Variants in TMEM132B observed in about 807,000 individuals in gnomAD.
The protein encoded by TMEM132B is transmembrane protein 132B.
Under a neutral mutation model 90.8 loss-of-function variants are expected in TMEM132B, and 18 were observed. The observed-to-expected ratio is 0.20, with a 90% CI of 0.14 to 0.29. The LOEUF (loss-of-function observed/expected upper bound fraction) is 0.29, where lower values mean the gene tolerates loss of function less well. Among genes scored for constraint, TMEM132B ranks in the 10% least tolerant of loss-of-function variants. The pLI is 1.00. For synonymous variants in TMEM132B, 504 were observed against 523.3 expected, an observed-to-expected ratio of 0.96 and a Z score of 0.50; for missense variants, 1,096 against 1,326.8, an observed-to-expected ratio of 0.83 and a Z score of 2.70.
rs775236157 is a variant in TMEM132B at position 125,653,741 on chromosome 12, G to A, written c.2283G>A (p.Gly761=). 3 of 1,614,160 alleles carry A rather than the reference G, an allele frequency of 1.9e-6. No individual in the cohort carries two copies. Among genetic ancestry groups the A allele is most frequent in the East Asian group, 2.2e-5 (1 of 44,878 alleles). ...TGGTTGCAGAGGGTGAAGGACAAGGGCCTTTGATTAAGTTAGAAATGATGA... is the reference window on the plus strand; with the variant it reads ...TGGTTGCAGAGGGTGAAGGACAAGGACCTTTGATTAAGTTAGAAATGATGA... ...PIVVAEGEGQ[G]PLIKLEMMIS... Residue 761 remains glycine (G), a synonymous_variant, in exon 9 of 9, where the codon GGG becomes GGA. Coordinates refer to ENST00000682704, the MANE Select transcript of TMEM132B (RefSeq NM_001366854.1).
chr12:125,200,810 G>T (rs1348308358), intron 1 of TMEM132B, among the ~76,000 whole-genome samples: 2 of 152,220 alleles, frequency 1.3e-5, no homozygotes, highest in African/African-American at 4.8e-5. Flanking sequence ...CCCAAGAGTA[G>T]CTTCTTGAGG....
chr12:125,393,486 G>A (rs1879086424), intron 2 of TMEM132B, among the ~76,000 whole-genome samples: 1 of 152,074 alleles, frequency 6.6e-6, no homozygotes. Context: ...GCTTCCTGGA[G>A]GAGGCATCAA....
Position 125,542,021 on chromosome 12 carries a change from G to A in TMEM132B, c.1293+22396G>A, listed in dbSNP as rs528550833. Among the ~76,000 whole-genome samples, 77 of 67,486 alleles carry A rather than the reference G, an allele frequency of 1.1e-3. 1 individual carries two copies. The East Asian group carries it at 0.032, about 28-fold the overall frequency. The allele number at this position is 67,486 out of a possible 152,430, so 44.3% of individuals were successfully genotyped here. On this transcript the variant is annotated intron_variant, in intron 4 of 8. Coordinates refer to ENST00000682704, the MANE Select transcript of TMEM132B (RefSeq NM_001366854.1). Reference sequence around the variant, plus strand: ...GCCTGGGCGACAGAGCAAAACCCCCGTCTCAAAAAAAAAAAAAAAAAAAAA... The same window carrying A: ...GCCTGGGCGACAGAGCAAAACCCCCATCTCAAAAAAAAAAAAAAAAAAAAA...
At chr12:125,242,655 C>T (rs948669281) in intron 1 of TMEM132B, among the ~76,000 whole-genome samples, 1 of 152,154 alleles carries the variant, frequency 6.6e-6, no homozygotes, top group African/African-American at 2.4e-5. Flanking sequence ...GGTGTTTGTC[C>T]CTCTAGGGTG....
rs1400107521 is a variant in TMEM132B, at chr12:125,373,447, C to T, written c.959+23104C>T. Among the ~76,000 whole-genome samples, 3 of 152,178 alleles carry T rather than the reference C, an allele frequency of 2.0e-5. No individual in the cohort carries two copies. In the East Asian group the frequency reaches 5.8e-4, roughly 29 times the overall value. On this transcript the variant is annotated intron_variant, in intron 2 of 8. Transcript: ENST00000682704. The stretch of plus-strand genomic sequence containing the variant: ...GAAAAGGGAGATCCATGTGAAGACA[C>T]AGGAAGATGATCATCTGCAAGCCAA...
Position 125,411,765 on chromosome 12 carries a change from C to T in TMEM132B, c.960-3766C>T, listed in dbSNP as rs1247291175. ...CGATCATCCCACCCAGACGGCAACC[C>T]GGAGGGGCCACCTTGGTCTTTCCTC... On this transcript the variant is annotated intron_variant, in intron 2 of 8. Transcript: ENST00000682704. Among the ~76,000 whole-genome samples the T allele has an allele frequency of 3.3e-5, 5 of 152,090 alleles. No homozygotes were observed. The East Asian group carries it at 7.7e-4, about 23-fold the overall frequency.
intron 3 of TMEM132B, among the ~76,000 whole-genome samples, chr12:125,504,379 C>A (rs1325000360): frequency 6.6e-6 from 1 of 152,106 alleles, no homozygotes; most frequent in Non-Finnish European, 1.5e-5. Context: ...TCCTCTCTTT[C>A]ATTTTTTTCC....
intron 1 of TMEM132B, among the ~76,000 whole-genome samples, chr12:125,341,098 C>T (rs12319093): frequency 0.021 from 3,152 of 152,292 alleles, 110 homozygotes; most frequent in African/African-American, 0.072. Flanking sequence ...TCACTGATTA[C>T]GCTCTTACAA....
At chr12:125,193,330 A>C (rs965970714) in intron 1 of TMEM132B, among the ~76,000 whole-genome samples, 3 of 152,138 alleles carry the variant, frequency 2.0e-5, no homozygotes, top group African/African-American at 7.2e-5. Flanking sequence ...AGAGCTCATG[A>C]CTTCTGCCCT....
At chr12:125,341,486 C>T (rs1022583074) in intron 1 of TMEM132B, among the ~76,000 whole-genome samples, 4 of 151,938 alleles carry the variant, frequency 2.6e-5, no homozygotes, top group African/African-American at 9.7e-5. Flanking sequence ...TTCCCTTTGC[C>T]CTTATTTTTA....
At chr12:125,388,680 C>A (rs914762865) in intron 2 of TMEM132B, among the ~76,000 whole-genome samples, 2 of 152,170 alleles carry the variant, frequency 1.3e-5, no homozygotes, top group African/African-American at 2.4e-5. Context: ...CACAGGCTGC[C>A]TCAACATCTT....
chr12:125,281,847 T>G (rs1875188218), intron 1 of TMEM132B, among the ~76,000 whole-genome samples: 8 of 151,392 alleles, frequency 5.3e-5, no homozygotes, highest in Admixed American at 5.3e-4. Flanking sequence ...GCTAACACGG[T>G]GAAACCCCGT....
chr12:125,248,419 G>A (rs1874250441), intron 1 of TMEM132B, among the ~76,000 whole-genome samples: 2 of 152,230 alleles, frequency 1.3e-5, no homozygotes, highest in Non-Finnish European at 2.9e-5. Flanking sequence ...TTGAGTTATT[G>A]TAATATTTTA....
intron 1 of TMEM132B, among the ~76,000 whole-genome samples, chr12:125,332,902 G>C (rs1342655260): frequency 6.6e-6 from 1 of 152,138 alleles, no homozygotes; most frequent in Non-Finnish European, 1.5e-5. Flanking sequence ...TTCTCTGAGC[G>C]ATTTCGGATT....
chr12:125,296,284 G>A (rs943516828), intron 1 of TMEM132B, among the ~76,000 whole-genome samples: 14 of 152,112 alleles, frequency 9.2e-5, no homozygotes, highest in African/African-American at 2.2e-4. Flanking sequence ...CCCACCCACC[G>A]GGCACCTCCC....
At chr12:125,536,312 A>T (rs550603803) in intron 4 of TMEM132B, among the ~76,000 whole-genome samples, 2 of 152,332 alleles carry the variant, frequency 1.3e-5, no homozygotes, top group South Asian at 4.1e-4. Flanking sequence ...GAATTTCCCA[A>T]ATGTAAAGCA....
rs183128550 is a variant in TMEM132B at position 125,603,921 on chromosome 12, G to A, written c.1437+19927G>A. ...ATACCATCTCATGCTAGTCAGAATGGCAATTCTTAAAAAGTCAAGAAACAA... is the reference window on the plus strand; with the variant it reads ...ATACCATCTCATGCTAGTCAGAATGACAATTCTTAAAAAGTCAAGAAACAA... On this transcript the variant is annotated intron_variant, in intron 5 of 8. Transcript: ENST00000682704. Among the ~76,000 whole-genome samples the A allele has an allele frequency of 2.2e-4, 33 of 152,246 alleles. No homozygotes were observed. In the East Asian group the frequency reaches 5.0e-3, roughly 23 times the overall value.
intron 1 of TMEM132B, among the ~76,000 whole-genome samples, chr12:125,341,881 A>C (rs1734827151): frequency 6.6e-6 from 1 of 152,162 alleles, no homozygotes; most frequent in African/African-American, 2.4e-5. Context: ...TTGTGGGGAG[A>C]TAAATTAGGG....
chr12:125,574,419 C>T lies in TMEM132B; in HGVS notation c.1294-9432C>T, dbSNP rs569672897. On this transcript the variant is annotated intron_variant, in intron 4 of 8. Transcript: ENST00000682704. ...CCTCGTCCAATGGGGTTTCAGATTC[C>T]CAACGTGGAAGGAGTTGCTGCTATC... Among the ~76,000 whole-genome samples, 26 of 152,134 alleles carry T rather than the reference C, an allele frequency of 1.7e-4. No homozygotes were observed. The South Asian group carries it at 5.4e-3, about 32-fold the overall frequency.
Sources: allele counts gnomAD v4.1 joint callset (sites outside exome capture counted in the v4.1 genomes callset), GRCh38; gene constraint gnomAD v4.1.1; transcripts MANE v1.5; gene names NCBI Gene and HGNC (gene_info 2026-07-23, HGNC 2026-07-21).